The following CLEC4A variants were observed in gnomAD, a reference collection of about 807,000 sequenced individuals.
CLEC4A encodes the protein C-type (calcium dependent, carbohydrate-recognition domain) lectin, superfamily member 6.
In CLEC4A, 27 loss-of-function variants were observed where a neutral mutation model predicts 32.7. The observed-to-expected ratio is 0.83, with a 90% confidence interval of 0.61 to 1.14. The LOEUF is 1.14. Ranked by LOEUF, CLEC4A falls within the 50% of genes most tolerant of loss-of-function variation. CLEC4A has a pLI of 0.00. For synonymous variants in CLEC4A, 89 were observed against 93.7 expected (o/e 0.95, Z 0.29); for missense variants, 253 against 274.6 (o/e 0.92, Z 0.55).
upstream of CLEC4A, among the ~76,000 whole-genome samples, chr12:8,122,919 G>C (rs1294804810): frequency 6.6e-6 from 1 of 152,116 alleles, no homozygotes; most frequent in Non-Finnish European, 1.5e-5. Flanking sequence ...TGAGGGCAGA[G>C]AATCCAGGTG....
At chr12:8,112,932 A>G in the CLEC4A span, among the ~76,000 whole-genome samples, 1 of 152,182 alleles carries the variant, frequency 6.6e-6, no homozygotes, top group Non-Finnish European at 1.5e-5. Context: ...TGAATGAATA[A>G]TACAGTTAAT....
rs746369204 is a variant in CLEC4A at position 8,125,677 on chromosome 12, A to C, written c.199A>C (p.Ile67Leu). ...LAISFFIAFV[I>L]FFQKYSQLLE... is the part of the protein sequence containing the mutation. ...AATCTCATTCTTTATTGCTTTTGTC[A>C]GTAAGTATGCCAACTGAACCAATAA... Residue 67 changes from isoleucine (I) to leucine (L), a missense_variant and splice_region_variant, in exon 2 of 6, where the codon ATT (isoleucine) becomes CTT (leucine). Ile to Leu is a conservative substitution (Grantham distance 5, BLOSUM62 2). Coordinates refer to ENST00000229332, the MANE Select transcript of CLEC4A (RefSeq NM_016184.4). The C allele has an allele frequency of 6.4e-7, 1 of 1,557,218 alleles. No individual in the cohort carries two copies. The highest frequency in any genetic ancestry group is 1.1e-5 in the South Asian group (1 of 89,830).
At position 8,138,397 on chromosome 12, in the gene CLEC4A, C is replaced by A; in HGVS notation, c.*110C>A. 7.8e-7 allele frequency: 1 copy of A among 1,276,840 alleles called. No homozygotes were observed. The highest frequency in any genetic ancestry group is 1.1e-6 in the Non-Finnish European group (1 of 909,894). The allele number at this position is 1,276,840 out of a possible 1,614,324, so 79.1% of individuals were successfully genotyped here. A position where few individuals can be genotyped will look rare whatever the true frequency, so the allele number is the denominator to read the frequency against. On this transcript the variant is annotated 3_prime_UTR_variant, in exon 6 of 6. Transcript: ENST00000229332. Reference sequence around the variant, plus strand: ...GGGAGGTCCATAGAATTTAGGTGGTCTGTCAACTATTCTACTTATGAGAGA... The same window carrying A: ...GGGAGGTCCATAGAATTTAGGTGGTATGTCAACTATTCTACTTATGAGAGA...
intron 2 of CLEC4A, among the ~76,000 whole-genome samples, chr12:8,128,778 A>G (rs1947943485): frequency 6.6e-6 from 1 of 152,198 alleles, no homozygotes; most frequent in African/African-American, 2.4e-5. Flanking sequence ...GAGGAGTAAG[A>G]GCCAGTTGGG....
At chr12:8,115,312 T>G in the CLEC4A span, among the ~76,000 whole-genome samples, 192 of 152,292 alleles carry the variant, frequency 1.3e-3, 1 homozygote, top group Non-Finnish European at 1.2e-3. Context: ...TCAATCAGAA[T>G]CAACTGAAGG....
At chr12:8,103,910 C>T in the CLEC4A span, among the ~76,000 whole-genome samples, 1 of 152,118 alleles carries the variant, frequency 6.6e-6, no homozygotes, top group African/African-American at 2.4e-5. Flanking sequence ...AAATTCTCTT[C>T]CTCACTTGTT....
the CLEC4A span, among the ~76,000 whole-genome samples, chr12:8,104,809 C>T: frequency 1.1e-4 from 16 of 152,110 alleles, no homozygotes; most frequent in South Asian, 2.1e-4. Flanking sequence ...CTCATTCACA[C>T]GTGAGAACAT....
the CLEC4A span, among the ~76,000 whole-genome samples, chr12:8,116,313 G>C: frequency 6.6e-6 from 1 of 152,020 alleles, no homozygotes; most frequent in Non-Finnish European, 1.5e-5. Context: ...TGTTGCCCAG[G>C]CTGGTCTCAA....
the CLEC4A span, among the ~76,000 whole-genome samples, chr12:8,115,175 GC>G: frequency 3.3e-5 from 5 of 152,094 alleles, no homozygotes; most frequent in Non-Finnish European, 4.4e-5. Context: ...CGATTTTCTG[GC>G]AAATATGTTT....
chr12:8,134,211 C>T lies in CLEC4A; in HGVS notation c.299-1374C>T. On this transcript the variant is annotated intron_variant, in intron 3 of 5. Transcript: ENST00000229332. ...GCTTTGCATATCTCCTGAAGATTTTCATTGTTGTCAGCTTCCTCCACCCAC... is the reference window on the plus strand; with the variant it reads ...GCTTTGCATATCTCCTGAAGATTTTTATTGTTGTCAGCTTCCTCCACCCAC... 1.1e-5 allele frequency: 18 copies of T among 1,611,318 alleles called. 1 individual carries two copies. The South Asian group carries it at 1.9e-4, about 17-fold the overall frequency.
At chr12:8,112,766 C>T in the CLEC4A span, among the ~76,000 whole-genome samples, 1 of 151,962 alleles carries the variant, frequency 6.6e-6, no homozygotes, top group Admixed American at 6.6e-5. Flanking sequence ...AAGTTAAATT[C>T]CTGGCTCAGA....
intron 3 of CLEC4A, among the ~76,000 whole-genome samples, chr12:8,132,931 T>C (rs566236728): frequency 1.2e-4 from 19 of 152,274 alleles, no homozygotes; most frequent in Admixed American, 2.6e-4. Context: ...GTTTTTGTTT[T>C]TCAGACGAAG....
chr12:8,135,802 A>T, intron 4 of CLEC4A, 66 bp downstream of exon 4: 1 of 1,542,818 alleles, frequency 6.5e-7, no homozygotes, highest in Non-Finnish European at 8.8e-7. Context: ...CTTGGCTAAG[A>T]AGGAGGTTTT....
Position 8,123,767 on chromosome 12 carries a change from T to C in CLEC4A, c.-112T>C, listed in dbSNP as rs1478170283. 12 of 705,642 alleles carry C rather than the reference T, an allele frequency of 1.7e-5. No individual in the cohort carries two copies. The highest frequency in any genetic ancestry group is 2.8e-5 in the Non-Finnish European group (11 of 396,582). The allele number at this position is 705,642 out of a possible 1,614,324, so 43.7% of individuals were successfully genotyped here. ...ATCTGGTGCCTCTGCTCTCCACTAG[T>C]TGAGTGAAAGGAAGGAGGTAATTTA... On this transcript the variant is annotated 5_prime_UTR_variant, in exon 1 of 6. Transcript: ENST00000229332.
chr12:8,111,664 A>C, the CLEC4A span, among the ~76,000 whole-genome samples: 11 of 152,158 alleles, frequency 7.2e-5, no homozygotes, highest in African/African-American at 2.7e-4. Flanking sequence ...AGAGCTATTC[A>C]GGTTCTCTAA....
chr12:8,120,822 G>A (rs1947825265), upstream of CLEC4A: 1 of 152,162 alleles, frequency 6.6e-6, no homozygotes, highest in Non-Finnish European at 1.5e-5. Flanking sequence ...CCAAATGTCT[G>A]TGTTCTCCTT....
Position 8,136,842 on chromosome 12 carries a change from G to C in CLEC4A, c.505G>C (p.Asp169His), listed in dbSNP as rs150982146. 6.2e-7 allele frequency: 1 copy of C among 1,613,612 alleles called. No homozygotes were observed. The highest frequency in any genetic ancestry group is 1.3e-5 in the African/African-American group (1 of 74,910). ...ATCTGCTTATTTTGTGGGGCTCTCAGATCCAGAAGGTCAGCGACATTGGCA... is the reference window on the plus strand; with the variant it reads ...ATCTGCTTATTTTGTGGGGCTCTCACATCCAGAAGGTCAGCGACATTGGCA... ...EESAYFVGLS[D>H]PEGQRHWQWV... Residue 169 changes from aspartate to histidine, a missense_variant, in exon 5 of 6, where the codon GAT becomes CAT. Asp to His is a moderately conservative substitution (Grantham distance 81). Transcript: ENST00000229332.
intron 3 of CLEC4A, among the ~76,000 whole-genome samples, chr12:8,131,645 G>A (rs1188561013): frequency 1.3e-5 from 2 of 152,086 alleles, no homozygotes; most frequent in Non-Finnish European, 2.9e-5. Context: ...CATCCAGAAT[G>A]TTTGGCCAAA....
intron 3 of CLEC4A, among the ~76,000 whole-genome samples, chr12:8,132,162 A>G (rs1948009580): frequency 1.3e-5 from 2 of 152,218 alleles, no homozygotes; most frequent in African/African-American, 2.4e-5. Context: ...ACCCTTTAAC[A>G]TATCACCACG....
Sources: allele counts gnomAD v4.1 joint callset (sites outside exome capture counted in the v4.1 genomes callset), GRCh38; gene constraint gnomAD v4.1.1; transcripts MANE v1.5; gene names NCBI Gene and HGNC (gene_info 2026-07-23, HGNC 2026-07-21).